CTNNA3: variants seen among roughly 807,000 people sequenced by gnomAD.
CTNNA3 encodes catenin alpha 3.
A neutral mutation model predicts 95.7 loss-of-function variants in CTNNA3; 76 were observed. The observed-to-expected ratio is 0.79, with a 90% CI of 0.66 to 0.96. CTNNA3 has a LOEUF of 0.96. Among genes scored for constraint, CTNNA3 ranks in the 40% least tolerant of loss-of-function variants. The pLI is 0.00. For synonymous variants in CTNNA3, 431 were observed against 374.4 expected, an observed-to-expected ratio of 1.15 and a Z score of -1.74; for missense variants, 1,191 against 1,089.8, an observed-to-expected ratio of 1.09 and a Z score of -1.31.
chr10:66,622,222 T>C (rs1311012127), intron 9 of CTNNA3, among the ~76,000 whole-genome samples: 3 of 152,140 alleles, frequency 2.0e-5, no homozygotes, highest in African/African-American at 7.2e-5. Context: ...TAAGTATGAC[T>C]GTATCTTTAT....
At chr10:66,215,091 T>G (rs2088436903) in intron 13 of CTNNA3, among the ~76,000 whole-genome samples, 1 of 152,098 alleles carries the variant, frequency 6.6e-6, no homozygotes, top group Admixed American at 6.6e-5. Flanking sequence ...CAGTCCTCAT[T>G]GGAATCTCAT....
chr10:66,800,337 A>G (rs1841383536), intron 7 of CTNNA3, among the ~76,000 whole-genome samples: 1 of 151,234 alleles, frequency 6.6e-6, no homozygotes, highest in Non-Finnish European at 1.5e-5. Context: ...GAAGATGCTT[A>G]TTTGGCAGTG....
intron 9 of CTNNA3, among the ~76,000 whole-genome samples, chr10:66,762,777 A>G (rs1731013340): frequency 6.6e-6 from 1 of 151,968 alleles, no homozygotes; most frequent in South Asian, 2.1e-4. Flanking sequence ...ATCTTTTTGT[A>G]AAAGTTACAC....
chr10:67,412,422 G>A (rs1367885649), intron 5 of CTNNA3, among the ~76,000 whole-genome samples: 6 of 152,040 alleles, frequency 3.9e-5, no homozygotes, highest in Non-Finnish European at 5.9e-5. Flanking sequence ...TAAGCAACTT[G>A]TAAAATACAT....
At chr10:66,870,043 G>C (rs1844336987) in intron 7 of CTNNA3, among the ~76,000 whole-genome samples, 1 of 152,068 alleles carries the variant, frequency 6.6e-6, no homozygotes, top group Admixed American at 6.6e-5. Context: ...CCAATTAAAA[G>C]GGTTTAAAAT....
intron 7 of CTNNA3, among the ~76,000 whole-genome samples, chr10:66,923,014 T>C (rs553613558): frequency 6.6e-6 from 1 of 152,202 alleles, no homozygotes; most frequent in Non-Finnish European, 1.5e-5. Context: ...TTATTGACTA[T>C]AGTCACCCCA....
chr10:65,976,783 T>C (rs2078214494), intron 16 of CTNNA3, among the ~76,000 whole-genome samples: 1 of 152,136 alleles, frequency 6.6e-6, no homozygotes, highest in Non-Finnish European at 1.5e-5. Flanking sequence ...CACTTTTATG[T>C]ATTCAGGTCT....
At chr10:67,317,523 T>C (rs1841109853) in intron 5 of CTNNA3, among the ~76,000 whole-genome samples, 1 of 152,026 alleles carries the variant, frequency 6.6e-6, no homozygotes, top group Non-Finnish European at 1.5e-5. Flanking sequence ...CCTTCCGGGT[T>C]CAAACGATTC....
intron 10 of CTNNA3, among the ~76,000 whole-genome samples, chr10:66,529,439 GTTT>G (rs201667838): frequency 6.1e-4 from 31 of 50,620 alleles, no homozygotes; most frequent in South Asian, 4.3e-3. Context: ...GCCAAACAGT[GTTT>G]TTTTTTTGTT....
chr10:66,812,162 G>A (rs903407443), intron 7 of CTNNA3, among the ~76,000 whole-genome samples: 1 of 152,116 alleles, frequency 6.6e-6, no homozygotes, highest in Non-Finnish European at 1.5e-5. Context: ...GTGGAGAAAT[G>A]AAGTAACTTG....
intron 2 of CTNNA3, among the ~76,000 whole-genome samples, chr10:67,607,556 G>A (rs891274382): frequency 6.6e-5 from 10 of 152,082 alleles, no homozygotes; most frequent in African/African-American, 2.4e-4. Flanking sequence ...AGGCAGGAGA[G>A]GCAGGCACAC....
chr10:67,601,223 C>T (rs887305193), intron 3 of CTNNA3, among the ~76,000 whole-genome samples: 1 of 152,054 alleles, frequency 6.6e-6, no homozygotes, highest in Admixed American at 6.6e-5. Flanking sequence ...ACAGTTGTCC[C>T]CAACCATTTT....
chr10:67,121,502 C>T (rs1218565748), intron 7 of CTNNA3, among the ~76,000 whole-genome samples: 1 of 152,066 alleles, frequency 6.6e-6, no homozygotes, highest in Non-Finnish European at 1.5e-5. Flanking sequence ...TAATCTGAAA[C>T]TCCTAGCCGT....
chr10:65,972,788 T>G (rs2078131314), intron 16 of CTNNA3, among the ~76,000 whole-genome samples: 1 of 151,908 alleles, frequency 6.6e-6, no homozygotes, highest in Non-Finnish European at 1.5e-5. Context: ...ATCTACAGAT[T>G]CAATGCTATT....
At chr10:66,967,299 TATAGGTATAG>T (rs1415106624) in intron 7 of CTNNA3, among the ~76,000 whole-genome samples, 1 of 151,580 alleles carries the variant, frequency 6.6e-6, no homozygotes, top group African/African-American at 2.4e-5. Flanking sequence ...TAGATATAGA[TATAGGTATAG>T]ATAGATATAG....
intron 9 of CTNNA3, among the ~76,000 whole-genome samples, chr10:66,685,601 T>C (rs916326138): frequency 1.3e-5 from 2 of 151,264 alleles, no homozygotes; most frequent in African/African-American, 4.9e-5. Context: ...CTCGATCTCC[T>C]GACCTCGTGA....
At chr10:67,315,157 A>T (rs967052907) in intron 5 of CTNNA3, among the ~76,000 whole-genome samples, 10 of 152,110 alleles carry the variant, frequency 6.6e-5, no homozygotes, top group South Asian at 4.1e-4. Context: ...TGCCATCTTT[A>T]TTCTGTCTAC....
intron 7 of CTNNA3, among the ~76,000 whole-genome samples, chr10:67,064,436 T>C (rs1483918610): frequency 6.6e-6 from 1 of 152,286 alleles, no homozygotes; most frequent in Non-Finnish European, 1.5e-5. Flanking sequence ...AATTTATGTA[T>C]TTTAGAATAA....
chr10:66,115,506 T>TATAG (rs917983363), intron 13 of CTNNA3, among the ~76,000 whole-genome samples: 1 of 149,018 alleles, frequency 6.7e-6, no homozygotes, highest in African/African-American at 2.5e-5. Flanking sequence ...CAATGGGGAA[T>TATAG]ATAGATAGAT....
Sources: allele counts gnomAD v4.1 joint callset (sites outside exome capture counted in the v4.1 genomes callset), GRCh38; gene constraint gnomAD v4.1.1; transcripts MANE v1.5; gene names NCBI Gene and HGNC (gene_info 2026-07-23, HGNC 2026-07-21).